KMT5B: variants seen among roughly 807,000 people sequenced by gnomAD.
KMT5B encodes histone-lysine N-methyltransferase KMT5B.
Under a neutral mutation model 83.2 loss-of-function variants are expected in KMT5B, and 10 were observed. That is an observed-to-expected ratio of 0.12 (90% CI 0.07 to 0.20). The LOEUF (loss-of-function observed/expected upper bound fraction) is 0.20. Ranked by LOEUF, KMT5B falls within the 10% of genes least tolerant of loss-of-function variation. KMT5B has a pLI of 1.00. For missense variants in KMT5B, 753 were observed against 1,067.2 expected (o/e 0.71, Z 4.10); for synonymous variants, 349 against 388.8 (o/e 0.90, Z 1.20).
chr11:68,185,457 C>A (rs1361012987), intron 3 of KMT5B, among the ~76,000 whole-genome samples: 1 of 152,352 alleles, frequency 6.6e-6, no homozygotes, highest in Admixed American at 6.5e-5. Flanking sequence ...ATCCACCCAC[C>A]TTGGCCTCCC....
intron 9 of KMT5B, among the ~76,000 whole-genome samples, chr11:68,170,277 A>G (rs1312778884): frequency 1.3e-5 from 2 of 152,166 alleles, no homozygotes; most frequent in South Asian, 2.1e-4. Context: ...TCTCTCATGA[A>G]TATCTGTGAG....
chr11:68,157,381 A>T lies in KMT5B; in HGVS notation c.*307T>A, dbSNP rs1337365052. The T allele has an allele frequency of 9.0e-6, 2 of 221,844 alleles. No individual in the cohort carries two copies. Among genetic ancestry groups the T allele is most frequent in the Non-Finnish European group, 1.7e-5 (2 of 114,578 alleles). The allele number at this position is 221,844 out of a possible 1,614,324, so 13.7% of individuals were successfully genotyped here. The stretch of plus-strand genomic sequence containing the variant: ...GTTAAAAAAACTGTGTAGCCACATT[A>T]CTGTTTTCAACGTCCTGTGTGGAAA... On this transcript the variant is annotated 3_prime_UTR_variant, in exon 11 of 11. Transcript: ENST00000304363.
chr11:68,206,195 C>G (rs955444984), intron 1 of KMT5B, among the ~76,000 whole-genome samples: 2 of 152,312 alleles, frequency 1.3e-5, no homozygotes, highest in East Asian at 3.9e-4. Context: ...CCCCATCTCT[C>G]CACATTTGAT....
In KMT5B at chr11:68,166,537, G is replaced by A. The variant is rs191847507; in HGVS notation, c.1174+445C>T. ...AAAAAGGTCAGCAAGCAATGAAAAG[G>A]TGGAAGCCTTAAGGCCAGAAGCTAT... On this transcript the variant is annotated intron_variant, in intron 10 of 10. Transcript: ENST00000304363. The A allele has an allele frequency of 2.0e-5, 20 of 1,005,986 alleles. No homozygotes were observed. In the African/African-American group the frequency reaches 3.5e-4, roughly 17 times the overall value. The allele number at this position is 1,005,986 out of a possible 1,614,324, so 62.3% of individuals were successfully genotyped here.
chr11:68,210,501 G>C (rs1469125603), intron 1 of KMT5B, among the ~76,000 whole-genome samples: 1 of 151,898 alleles, frequency 6.6e-6, no homozygotes, highest in South Asian at 2.1e-4. Context: ...ACGGAGTCTA[G>C]GCCCTATCAA....
intron 3 of KMT5B, 33 bp downstream of exon 3, chr11:68,185,748 T>C (rs1384234451): frequency 6.3e-7 from 1 of 1,585,410 alleles, no homozygotes; most frequent in Non-Finnish European, 8.6e-7. Flanking sequence ...AACATAATCA[T>C]CTGTTCCATT....
In KMT5B at chr11:68,158,822, G is replaced by A. The variant is rs759267894; in HGVS notation, c.1524C>T (p.Cys508=). ...GPAQAAVASG[C]LTRHAAREHR... is the part of the protein sequence containing the mutation. ...GTTCTCTCGCCGCGTGTCTAGTCAA[G>A]CACCCGCTGGCAACTGCGGCTTGGG... The change falls in exon 11 of 11, where the codon TGC becomes TGT. Residue 508 remains cysteine (C), a synonymous_variant. Coordinates refer to ENST00000304363, the MANE Select transcript of KMT5B (RefSeq NM_017635.5). The A allele has an allele frequency of 6.2e-7, 1 of 1,614,120 alleles. No individual in the cohort carries two copies. The highest frequency in any genetic ancestry group is 1.1e-5 in the South Asian group (1 of 91,084).
intron 3 of KMT5B, among the ~76,000 whole-genome samples, chr11:68,181,319 C>T (rs1196638087): frequency 2.6e-5 from 4 of 152,086 alleles, no homozygotes; most frequent in Admixed American, 6.5e-5. Context: ...GTGATCCACC[C>T]GCCTCGGCCT....
intron 1 of KMT5B, among the ~76,000 whole-genome samples, chr11:68,207,935 G>C (rs947522604): frequency 5.3e-5 from 8 of 150,660 alleles, no homozygotes; most frequent in African/African-American, 1.5e-4. Flanking sequence ...TGCCTCCCAG[G>C]TTCAAGGAAT....
At chr11:68,165,701 A>G (rs1855255357) in intron 10 of KMT5B, 1 of 1,362,022 alleles carries the variant, frequency 7.3e-7, no homozygotes, top group Non-Finnish European at 9.5e-7. Flanking sequence ...CCAAGGAACC[A>G]GACTCAGAAA....
intron 2 of KMT5B, among the ~76,000 whole-genome samples, chr11:68,189,212 A>G (rs1202798613): frequency 6.6e-6 from 1 of 152,240 alleles, no homozygotes; most frequent in Non-Finnish European, 1.5e-5. Context: ...CCTCTTTAAC[A>G]TGACATACGT....
At position 68,157,935 on chromosome 11, in the gene KMT5B, T is replaced by C; in HGVS notation, c.2411A>G (p.Asp804Gly). ...TCGAGACTCCAAGAGAGAAAGAGGA[T>C]CACTGCAGCACACCCCATTTTCATG... is the stretch of plus-strand genomic sequence containing the variant. ...GLHENGVCCS[D>G]PLSLLESRME... Residue 804 changes from aspartate to glycine, a missense_variant, in exon 11 of 11, where the codon GAT (aspartate) becomes GGT (glycine). Around this residue, in one of 9 missense-constraint regions of KMT5B, gnomAD observed 161 missense variants for 195.1 expected, o/e 0.83. Coordinates refer to ENST00000304363, the MANE Select transcript of KMT5B (RefSeq NM_017635.5). The C allele has an allele frequency of 6.2e-7, 1 of 1,614,162 alleles. No individual in the cohort carries two copies. The highest frequency in any genetic ancestry group is 8.5e-7 in the Non-Finnish European group (1 of 1,180,000).
chr11:68,157,670 CAAGTT>C lies in KMT5B; in HGVS notation c.*13_*17del. 6.6e-7 allele frequency: 1 copy of C among 1,516,492 alleles called. No individual in the cohort carries two copies. 93.9% of individuals were successfully genotyped at this position (1,516,492 alleles called of 1,614,324 possible). ...TTTCTTTAAAGTAGTTATCCCAGGT[CAAGTT>C]AAGACCAAGAGCTTAGGCATTAAGC... On this transcript the variant is annotated 3_prime_UTR_variant, in exon 11 of 11. Coordinates refer to ENST00000304363, the MANE Select transcript of KMT5B (RefSeq NM_017635.5).
At chr11:68,181,294 C>T (rs1216110431) in intron 3 of KMT5B, among the ~76,000 whole-genome samples, 1 of 152,004 alleles carries the variant, frequency 6.6e-6, no homozygotes, top group Admixed American at 6.6e-5. Flanking sequence ...AGGCTGGTGT[C>T]GAACACCTGA....
chr11:68,175,163 C>G lies in KMT5B; in HGVS notation c.398G>C (p.Arg133Thr). 1 of 1,613,364 alleles carries G rather than the reference C, an allele frequency of 6.2e-7. No individual in the cohort carries two copies. The highest frequency in any genetic ancestry group is 8.5e-7 in the Non-Finnish European group (1 of 1,179,608). ...AATTACTTCCTTTAGTTCTTCCTGC[C>G]TTCCTTTAATAGGCCTAAATCTGAA... The part of the protein sequence containing the change: ...NPVRFRPIKG[R>T]QEELKEVIER... Residue 133 changes from arginine to threonine, a missense_variant, in exon 5 of 11, where the codon AGG becomes ACG. Physicochemically the swap from Arg to Thr is moderately conservative, Grantham distance 71 (BLOSUM62 -1). Around this residue, in one of 9 missense-constraint regions of KMT5B, gnomAD observed 71 missense variants for 107.0 expected, o/e 0.66. Coordinates refer to ENST00000304363, the MANE Select transcript of KMT5B (RefSeq NM_017635.5).
intron 10 of KMT5B, chr11:68,166,024 T>G (rs1374706842): frequency 1.2e-6 from 2 of 1,610,766 alleles, no homozygotes; most frequent in South Asian, 1.1e-5. Context: ...ATAATCAGTA[T>G]CTCAGAGGGC....
chr11:68,167,343 T>C (rs1855404432), intron 9 of KMT5B, among the ~76,000 whole-genome samples, 165 bp from the exon 10 acceptor site: 2 of 152,180 alleles, frequency 1.3e-5, no homozygotes, highest in South Asian at 2.1e-4. Flanking sequence ...ATTAAGTATC[T>C]ATATTATAAA....
At chr11:68,185,095 A>G (rs1374069224) in intron 3 of KMT5B, among the ~76,000 whole-genome samples, 2 of 152,234 alleles carry the variant, frequency 1.3e-5, no homozygotes, top group African/African-American at 4.8e-5. Flanking sequence ...AAAGTCTATA[A>G]TAAAATCATG....
intron 4 of KMT5B, among the ~76,000 whole-genome samples, chr11:68,175,770 C>T (rs1213624939): frequency 3.3e-5 from 5 of 152,152 alleles, no homozygotes; most frequent in South Asian, 2.1e-4. Context: ...CAACAGGCTT[C>T]GAAACACACC....
Sources: allele counts gnomAD v4.1 joint callset (sites outside exome capture counted in the v4.1 genomes callset), GRCh38; gene constraint gnomAD v4.1.1; regional missense constraint gnomAD v4.1.1; transcripts MANE v1.5; gene names NCBI Gene and HGNC (gene_info 2026-07-23, HGNC 2026-07-21).